Variants in TMEM223 observed in about 807,000 individuals in gnomAD.
TMEM223 encodes transmembrane protein 223.
TMEM223 carries 14 observed loss-of-function variants against 14.1 expected under a neutral mutation model. The ratio of observed to expected loss-of-function variants is 0.99; its 90% CI spans 0.66 to 1.55. The LOEUF is 1.55. Ranked by LOEUF, TMEM223 falls within the 40% of genes most tolerant of loss-of-function variation. TMEM223 has a pLI of 0.00. For synonymous variants in TMEM223, 145 were observed against 120.5 expected (o/e 1.20, Z -1.33); for missense variants, 346 against 269.9 (o/e 1.28, Z -1.97).
At chr11:62,774,928 G>A (rs1179783148) in intron 1 of TMEM223, among the ~76,000 whole-genome samples, 1 of 151,522 alleles carries the variant, frequency 6.6e-6, no homozygotes, top group African/African-American at 2.4e-5. Flanking sequence ...ATCCGGGCGT[G>A]GTGGCAGGTA....
At chr11:62,777,732 G>A (rs2084197361) in intron 1 of TMEM223, among the ~76,000 whole-genome samples, 2 of 152,162 alleles carry the variant, frequency 1.3e-5, no homozygotes, top group African/African-American at 4.8e-5. Flanking sequence ...GCTTGGTGTG[G>A]GGCTCAGGAC....
At chr11:62,789,332 A>G (rs372988842), downstream of TMEM223, 34 of 1,613,610 alleles carry the variant, frequency 2.1e-5, no homozygotes, top group Middle Eastern at 1.6e-4. Flanking sequence ...CATCTCAGCT[A>G]TAGCCGTCTT....
exon 3 of TMEM223, chr11:62,771,997 C>A (rs1436012863): frequency 2.4e-6 from 1 of 411,860 alleles, no homozygotes; most frequent in East Asian, 7.2e-5. Context: ...CAGCTGGCGG[C>A]TCCTGAATGC....
Position 62,790,104 on chromosome 11 carries a change from C to G in TMEM223, c.*519G>C, listed in dbSNP as rs144162053. On this transcript the variant is annotated 3_prime_UTR_variant, in exon 2 of 2. Transcript: ENST00000307366. ...ACTCCATGCCCAAGTGCCTGTAATC[C>G]CCCCCCTCAAGGCCCTGTTTATGTT... 45 of 1,503,796 alleles carry G rather than the reference C, an allele frequency of 3.0e-5. No homozygotes were observed. Among genetic ancestry groups the G allele is most frequent in the Non-Finnish European group, 3.8e-5 (43 of 1,126,566 alleles). The allele number at this position is 1,503,796 out of a possible 1,614,324, so 93.2% of individuals were successfully genotyped here.
At position 62,775,523 on chromosome 11, in the gene TMEM223, C is replaced by T. The variant is rs1331008256; in HGVS notation, c.315-858G>A. On this transcript the variant is annotated intron_variant, in intron 1 of 2. Transcript: ENST00000528367. ...TTGGCCAAATTCACATAGAAGGTGACAGGGCAGGAATGGGACCTAGTTCTG... is the reference window on the plus strand; with the variant it reads ...TTGGCCAAATTCACATAGAAGGTGATAGGGCAGGAATGGGACCTAGTTCTG... The T allele has an allele frequency of 3.1e-5, 13 of 414,810 alleles. No individual in the cohort carries two copies. The East Asian group carries it at 3.7e-4, about 12-fold the overall frequency. 25.7% of individuals were successfully genotyped at this position (414,810 alleles called of 1,614,324 possible).
chr11:62,781,834 C>T (rs2084232027), intron 1 of TMEM223: 3 of 1,386,874 alleles, frequency 2.2e-6, no homozygotes, highest in Non-Finnish European at 1.0e-6. Flanking sequence ...CAGAAGAATA[C>T]CGCATTCATG....
chr11:62,786,561 G>A, downstream of TMEM223: 1 of 1,561,656 alleles, frequency 6.4e-7, no homozygotes, highest in Middle Eastern at 1.7e-4. Flanking sequence ...AGGCAGCAGA[G>A]CCCAACAGGG....
rs372441369 is a variant in TMEM223, at chr11:62,791,811, T to C, written c.184A>G (p.Met62Val). 3.7e-5 allele frequency: 58 copies of C among 1,582,604 alleles called. No individual in the cohort carries two copies. The African/African-American group carries it at 3.8e-4, about 10-fold the overall frequency. ...CAGQGVFWAS[M>V]AVAAVSRPPV... Reference sequence around the variant, plus strand: ...GGCCGGGACACGGCTGCCACAGCCATGGAAGCCCAGAAGACGCCCTGGCCC... The same window carrying C: ...GGCCGGGACACGGCTGCCACAGCCACGGAAGCCCAGAAGACGCCCTGGCCC... The change falls in exon 1 of 2, where the codon ATG becomes GTG. Residue 62 changes from methionine to valine, a missense_variant. Coordinates refer to ENST00000307366, the MANE Select transcript of TMEM223 (RefSeq NM_001080501.3).
At chr11:62,786,852 G>A (rs920769377), downstream of TMEM223, 9 of 1,595,830 alleles carry the variant, frequency 5.6e-6, no homozygotes, top group East Asian at 2.2e-5. Context: ...AGAAGGAGCC[G>A]GCGGCAGCCC....
intron 1 of TMEM223, chr11:62,778,131 G>A (rs1767777149): frequency 1.2e-6 from 2 of 1,614,186 alleles, no homozygotes; most frequent in Non-Finnish European, 1.7e-6. Flanking sequence ...TGTCAGAGGT[G>A]GCTGCCGGGG....
downstream of TMEM223, chr11:62,789,266 C>T: frequency 1.9e-6 from 3 of 1,614,108 alleles, no homozygotes; most frequent in Non-Finnish European, 2.5e-6. Flanking sequence ...TCACCTCCAC[C>T]ACAAGGCTTG....
downstream of TMEM223, chr11:62,789,090 C>T: frequency 6.2e-7 from 1 of 1,614,226 alleles, no homozygotes; most frequent in Non-Finnish European, 8.5e-7. Context: ...CTGGCCTTAT[C>T]CCGTCCCTCA....
chr11:62,787,141 C>A, downstream of TMEM223: 2 of 1,566,506 alleles, frequency 1.3e-6, no homozygotes, highest in South Asian at 1.1e-5. Flanking sequence ...GGCTGGGAGG[C>A]GCTGCCGCGG....
At chr11:62,775,126 A>G (rs926683892) in intron 1 of TMEM223, among the ~76,000 whole-genome samples, 13 of 152,202 alleles carry the variant, frequency 8.5e-5, no homozygotes, top group East Asian at 5.8e-4. Flanking sequence ...AACTGACTCA[A>G]TGCTGGGGAG....
chr11:62,789,162 T>C (rs1381641187), downstream of TMEM223: 1 of 1,614,230 alleles, frequency 6.2e-7, no homozygotes, highest in Non-Finnish European at 8.5e-7. Flanking sequence ...TACTGCCTCC[T>C]GCTTTTGCTC....
chr11:62,783,413 C>T (rs934069566), downstream of TMEM223, among the ~76,000 whole-genome samples: 6 of 150,506 alleles, frequency 4.0e-5, no homozygotes, highest in African/African-American at 9.8e-5. Context: ...ACCCGGGAGG[C>T]GGAGCTTGCA....
chr11:62,788,996 C>T (rs375427562), downstream of TMEM223: 1 of 1,595,842 alleles, frequency 6.3e-7, no homozygotes, highest in African/African-American at 1.3e-5. Flanking sequence ...AACCTGAAAT[C>T]TAGGACTCAG....
Position 62,791,945 on chromosome 11 carries a change from C to A in TMEM223, c.50G>T (p.Arg17Leu). The stretch of plus-strand genomic sequence containing the variant: ...CAGGGGCCGGCAGGTGAGCAGGGGC[C>A]GCAGCACGGCTAGCAGCCCCGTGGG... ...RWPTGLLAVLRPLLTCRPLQG... is the reference protein window; with the variant it reads ...RWPTGLLAVLLPLLTCRPLQG... Residue 17 changes from arginine (R) to leucine (L), a missense_variant, in exon 1 of 2, where the codon CGG (arginine) becomes CTG (leucine). Physicochemically the swap from Arg to Leu is moderately radical, Grantham distance 102. Transcript: ENST00000307366. 1 of 1,588,672 alleles carries A rather than the reference C, an allele frequency of 6.3e-7. No individual in the cohort carries two copies. Among genetic ancestry groups the A allele is most frequent in the Non-Finnish European group, 8.6e-7 (1 of 1,167,362 alleles).
At chr11:62,786,018 G>T (rs202203837), downstream of TMEM223, 1 of 424,614 alleles carries the variant, frequency 2.4e-6, no homozygotes, top group Non-Finnish European at 4.3e-6. Context: ...TAGCACACAG[G>T]GCAGTGATAT....
Sources: allele counts gnomAD v4.1 joint callset (sites outside exome capture counted in the v4.1 genomes callset), GRCh38; gene constraint gnomAD v4.1.1; transcripts MANE v1.5; gene names NCBI Gene and HGNC (gene_info 2026-07-23, HGNC 2026-07-21).